GATAD1: variants seen among roughly 807,000 people sequenced by gnomAD.
GATAD1 encodes the protein GATA zinc finger domain containing 1, also known as GATA zinc finger domain-containing protein 1.
Under a neutral mutation model 26.5 loss-of-function variants are expected in GATAD1, and 12 were observed. The ratio of observed to expected loss-of-function variants is 0.45; its 90% CI spans 0.29 to 0.73. The LOEUF is 0.73. GATAD1 is among the 30% of genes least tolerant of loss of function. GATAD1 has a pLI of 0.10. For synonymous variants in GATAD1, 129 were observed against 133.1 expected, an observed-to-expected ratio of 0.97 and a Z score of 0.21; for missense variants, 266 against 342.1, an observed-to-expected ratio of 0.78 and a Z score of 1.75.
chr7:92,452,725 C>T (rs1406285308), intron 3 of GATAD1, among the ~76,000 whole-genome samples: 1 of 152,216 alleles, frequency 6.6e-6, no homozygotes, highest in Admixed American at 6.5e-5. Context: ...TAAATACCTA[C>T]TATGTGCCAG....
the GATAD1 span, chr7:92,493,969 G>A: frequency 2.2e-4 from 61 of 282,932 alleles, no homozygotes; most frequent in African/African-American, 1.4e-3. Context: ...CTGTATCAGA[G>A]TTTTTTTTTT....
At chr7:92,488,284 A>T in the GATAD1 span, among the ~76,000 whole-genome samples, 1 of 152,218 alleles carries the variant, frequency 6.6e-6, no homozygotes. Context: ...GCTTAACAGA[A>T]ATTTGTTTCC....
the GATAD1 span, among the ~76,000 whole-genome samples, chr7:92,483,861 G>A: frequency 2.0e-5 from 3 of 152,114 alleles, no homozygotes; most frequent in African/African-American, 4.8e-5. Context: ...GACCTGGCTC[G>A]GCCTGGTGAG....
chr7:92,478,430 A>G, the GATAD1 span, among the ~76,000 whole-genome samples: 2 of 152,178 alleles, frequency 1.3e-5, no homozygotes, highest in Non-Finnish European at 2.9e-5. Context: ...AACGTCGGGA[A>G]TAAGTGGCAG....
chr7:92,481,892 G>A, the GATAD1 span, among the ~76,000 whole-genome samples: 3 of 152,224 alleles, frequency 2.0e-5, no homozygotes, highest in Non-Finnish European at 4.4e-5. Flanking sequence ...TTGGCAGGGA[G>A]AGCACATGTG....
intron 3 of GATAD1, among the ~76,000 whole-genome samples, chr7:92,451,410 A>G (rs1390228438): frequency 6.6e-6 from 1 of 152,242 alleles, no homozygotes; most frequent in Admixed American, 6.5e-5. Context: ...AAGGCTCGGC[A>G]GGCCTGGCAC....
At chr7:92,450,970 G>A (rs1352673359) in intron 3 of GATAD1, among the ~76,000 whole-genome samples, 1 of 152,210 alleles carries the variant, frequency 6.6e-6, no homozygotes, top group Non-Finnish European at 1.5e-5. Context: ...AGTGCCTACT[G>A]ACACATGATG....
intron 3 of GATAD1, among the ~76,000 whole-genome samples, chr7:92,451,447 A>G (rs1483533482): frequency 2.0e-5 from 3 of 152,208 alleles, no homozygotes; most frequent in Admixed American, 2.0e-4. Context: ...ATTGAAGGCT[A>G]TTTGGTGTTT....
rs749450092 is a variant in GATAD1, at chr7:92,450,772, T to C, written c.435+12T>C. 18 of 1,573,508 alleles carry C rather than the reference T, an allele frequency of 1.1e-5. No homozygotes were observed. The South Asian group carries it at 1.9e-4, about 16-fold the overall frequency. On this transcript the variant is annotated intron_variant, in intron 3 of 4. Coordinates refer to ENST00000287957, the MANE Select transcript of GATAD1 (RefSeq NM_021167.5). Reference sequence around the variant, plus strand: ...CAATCTTCTACAAGGTAAGCTTTTGTAGAGTTACTGAAGGAAGAGTTGGGC... The same window carrying C: ...CAATCTTCTACAAGGTAAGCTTTTGCAGAGTTACTGAAGGAAGAGTTGGGC...
At chr7:92,455,604 A>G (rs185732556) in intron 4 of GATAD1, among the ~76,000 whole-genome samples, 239 of 152,306 alleles carry the variant, frequency 1.6e-3, no homozygotes, top group African/African-American at 5.3e-3. Flanking sequence ...AGATTTTTAC[A>G]GTTACTTCAG....
At chr7:92,490,842 A>G in the GATAD1 span, among the ~76,000 whole-genome samples, 1 of 152,196 alleles carries the variant, frequency 6.6e-6, no homozygotes, top group Non-Finnish European at 1.5e-5. Context: ...AAACATTATC[A>G]GTACACTTCA....
chr7:92,491,673 A>G, the GATAD1 span: 1 of 580,994 alleles, frequency 1.7e-6, no homozygotes, highest in East Asian at 2.9e-5. Flanking sequence ...AAATTTAACT[A>G]TTAAAATTAT....
At chr7:92,450,891 T>C (rs921611308) in intron 3 of GATAD1, 131 bp downstream of exon 3, 3 of 581,008 alleles carry the variant, frequency 5.2e-6, no homozygotes, top group Admixed American at 3.4e-5. Flanking sequence ...TTTGTTCCCT[T>C]CTTAGCTGTT....
chr7:92,464,170 A>T (rs1790023173), downstream of GATAD1, among the ~76,000 whole-genome samples: 1 of 152,146 alleles, frequency 6.6e-6, no homozygotes, highest in South Asian at 2.1e-4. Context: ...CAAAGATCCT[A>T]CTTGATTCTT....
In GATAD1 at chr7:92,459,400, T is replaced by C. The variant is rs1038580792; in HGVS notation, c.*2838T>C. On this transcript the variant is annotated 3_prime_UTR_variant, in exon 5 of 5. Transcript: ENST00000287957. ...TAAATTGGCAGATGGTTGTGTACCA[T>C]CTTTTAAAATAAAGATTGAATTTCA... 1 of 152,206 alleles carries C rather than the reference T, an allele frequency of 6.6e-6. No homozygotes were observed. Among genetic ancestry groups the C allele is most frequent in the African/African-American group, 2.4e-5 (1 of 41,446 alleles). The allele number at this position is 152,206 out of a possible 1,614,324, so 9.4% of individuals were successfully genotyped here.
chr7:92,492,026 A>G, the GATAD1 span, among the ~76,000 whole-genome samples: 1 of 152,264 alleles, frequency 6.6e-6, no homozygotes, highest in Non-Finnish European at 1.5e-5. Context: ...CCTAGAAAAT[A>G]TATGGTAAAG....
the GATAD1 span, chr7:92,468,625 T>G: frequency 1.7e-6 from 1 of 573,412 alleles, no homozygotes; most frequent in Non-Finnish European, 3.1e-6. Context: ...AGCCCCGTGT[T>G]TAAAGGTGGA....
At chr7:92,483,136 G>A in the GATAD1 span, among the ~76,000 whole-genome samples, 248 of 152,294 alleles carry the variant, frequency 1.6e-3, 1 homozygote, top group Non-Finnish European at 2.7e-3. Context: ...ATTGGCTGCC[G>A]GGTGAGTTGG....
the GATAD1 span, chr7:92,491,312 G>A: frequency 1.4e-5 from 23 of 1,613,732 alleles, no homozygotes; most frequent in Admixed American, 3.8e-4. Flanking sequence ...TGATTCATAA[G>A]AGCTTCCAAA....
Sources: allele counts gnomAD v4.1 joint callset (sites outside exome capture counted in the v4.1 genomes callset), GRCh38; gene constraint gnomAD v4.1.1; transcripts MANE v1.5; gene names NCBI Gene and HGNC (gene_info 2026-07-23, HGNC 2026-07-21).